The following DLG2 variants were observed in gnomAD, a reference collection of about 807,000 sequenced individuals.
The protein encoded by DLG2 is discs large MAGUK scaffold protein 2.
A neutral mutation model predicts 132.5 loss-of-function variants in DLG2; 45 were observed. That is an observed-to-expected ratio of 0.34 (90% CI 0.27 to 0.44). The LOEUF is 0.44. Among genes scored for constraint, DLG2 ranks in the 20% least tolerant of loss-of-function variants. The probability of loss-of-function intolerance (pLI) is 1.00; values close to 1 mark genes in which losing one functional copy is unlikely to be tolerated. For synonymous variants in DLG2, 424 were observed against 419.6 expected (o/e 1.01, Z -0.13); for missense variants, 1,045 against 1,196.9 (o/e 0.87, Z 1.87).
chr11:84,598,660 T>C (rs1237280401), intron 6 of DLG2, among the ~76,000 whole-genome samples: 2 of 150,454 alleles, frequency 1.3e-5, no homozygotes. Context: ...GCACAGTGAC[T>C]CATGCCTGTA....
intron 7 of DLG2, among the ~76,000 whole-genome samples, chr11:84,420,382 T>A (rs913229923): frequency 5.3e-5 from 8 of 152,102 alleles, no homozygotes; most frequent in African/African-American, 1.9e-4. Context: ...AAATACGATA[T>A]TCCTAAGGAT....
intron 12 of DLG2, among the ~76,000 whole-genome samples, chr11:83,971,523 T>C (rs1183115225): frequency 6.6e-6 from 1 of 152,014 alleles, no homozygotes; most frequent in Non-Finnish European, 1.5e-5. Context: ...CATGAGAATA[T>C]AATAAAGAGG....
chr11:84,808,924 C>T (rs1943703), intron 6 of DLG2, among the ~76,000 whole-genome samples: 65,514 of 151,602 alleles, frequency 0.43, 14,837 homozygotes, highest in African/African-American at 0.51. Flanking sequence ...TTACAGAAAA[C>T]AGAAGAGGAG....
At chr11:84,687,140 C>T (rs771361326) in intron 6 of DLG2, 1 of 152,068 alleles carries the variant, frequency 6.6e-6, no homozygotes, top group African/African-American at 2.4e-5. Flanking sequence ...CTGTTACATG[C>T]TCTATTTCAT....
intron 6 of DLG2, among the ~76,000 whole-genome samples, chr11:84,666,696 A>G (rs553359057): frequency 6.6e-6 from 1 of 152,196 alleles, no homozygotes; most frequent in Non-Finnish European, 1.5e-5. Context: ...GTATAATTAC[A>G]TAAACACATT....
Position 83,500,834 on chromosome 11 carries a change from T to A in DLG2, c.2194-16606A>T, listed in dbSNP as rs564653097. Among the ~76,000 whole-genome samples, 139 of 152,296 alleles carry A rather than the reference T, an allele frequency of 9.1e-4. 2 individuals are homozygous for A. The highest frequency in any genetic ancestry group is 3.3e-3 in the African/African-American group (138 of 41,588). On this transcript the variant is annotated intron_variant, in intron 21 of 27. Coordinates refer to ENST00000376104, the MANE Select transcript of DLG2 (RefSeq NM_001142699.3). ...AGAGATGATAAAATTTAATAATAGA[T>A]TCTGAAAGTGTCATTTTCTTTGCCA... is the stretch of plus-strand genomic sequence containing the variant.
chr11:83,906,232 GTCTCTCTCTCTCTC>G (rs144862801), intron 15 of DLG2, among the ~76,000 whole-genome samples: 12 of 71,674 alleles, frequency 1.7e-4, no homozygotes, highest in African/African-American at 4.7e-4. Context: ...TATAGTAGAT[GTCTCTCTCTCTCTC>G]TCTCTCTCTC....
chr11:85,084,055 C>T (rs1405686031), intron 6 of DLG2, among the ~76,000 whole-genome samples: 1 of 151,982 alleles, frequency 6.6e-6, no homozygotes, highest in East Asian at 1.9e-4. Context: ...AATTGGAGTA[C>T]AGGTACTTAT....
At chr11:83,824,587 A>G (rs973695891) in intron 17 of DLG2, among the ~76,000 whole-genome samples, 3 of 152,200 alleles carry the variant, frequency 2.0e-5, no homozygotes, top group Non-Finnish European at 2.9e-5. Flanking sequence ...TTTATATCCA[A>G]AGACTAAAAA....
At chr11:85,386,694 T>C (rs868307888) in intron 3 of DLG2, among the ~76,000 whole-genome samples, 1 of 151,922 alleles carries the variant, frequency 6.6e-6, no homozygotes, top group African/African-American at 2.4e-5. Flanking sequence ...CTATGGTATA[T>C]CCTTTAAAAG....
chr11:84,616,141 T>C (rs1239630411), intron 6 of DLG2, among the ~76,000 whole-genome samples: 1 of 151,758 alleles, frequency 6.6e-6, no homozygotes, highest in African/African-American at 2.4e-5. Flanking sequence ...GTTACATGGG[T>C]TGAGATAAGA....
At chr11:83,506,094 A>G (rs1157425576) in intron 21 of DLG2, among the ~76,000 whole-genome samples, 1 of 152,206 alleles carries the variant, frequency 6.6e-6, no homozygotes, top group African/African-American at 2.4e-5. Flanking sequence ...TGGGTCAGAA[A>G]GCACTTAGTT....
chr11:84,132,238 A>G (rs1279103420), intron 9 of DLG2, among the ~76,000 whole-genome samples: 1 of 151,956 alleles, frequency 6.6e-6, no homozygotes, highest in African/African-American at 2.4e-5. Context: ...CTAAGTGATT[A>G]AAAAAATGTT....
At chr11:84,180,042 A>C (rs1010749610) in intron 8 of DLG2, among the ~76,000 whole-genome samples, 1 of 152,176 alleles carries the variant, frequency 6.6e-6, no homozygotes, top group Non-Finnish European at 1.5e-5. Flanking sequence ...AATTAAAAGA[A>C]TACAGTATGA....
At position 83,558,501 on chromosome 11, in the gene DLG2, T is replaced by C. The variant is rs2096557185; in HGVS notation, c.1941-16643A>G. 2.0e-5 allele frequency among the ~76,000 whole-genome samples: 3 copies of C among 152,284 alleles called. No individual in the cohort carries two copies. In the South Asian group the frequency reaches 6.2e-4, roughly 32 times the overall value. Reference sequence around the variant, plus strand: ...ACTAACTGTTATTGAATGCCTGCTATTGGTTAACCGCTACAGTAGGCACTT... The same window carrying C: ...ACTAACTGTTATTGAATGCCTGCTACTGGTTAACCGCTACAGTAGGCACTT... On this transcript the variant is annotated intron_variant, in intron 19 of 27. Coordinates refer to ENST00000376104, the MANE Select transcript of DLG2 (RefSeq NM_001142699.3).
chr11:83,912,500 G>T (rs552759644), intron 15 of DLG2, among the ~76,000 whole-genome samples: 1 of 152,130 alleles, frequency 6.6e-6, no homozygotes, highest in Admixed American at 6.5e-5. Context: ...GGTGACTGGG[G>T]GACTGCATCA....
At chr11:85,300,847 G>A (rs1043486913) in intron 3 of DLG2, among the ~76,000 whole-genome samples, 1 of 152,030 alleles carries the variant, frequency 6.6e-6, no homozygotes, top group African/African-American at 2.4e-5. Flanking sequence ...ACAGGGAAGT[G>A]GAAGAGATGG....
chr11:84,796,215 C>A (rs997062031), intron 6 of DLG2, among the ~76,000 whole-genome samples: 1 of 152,094 alleles, frequency 6.6e-6, no homozygotes. Context: ...TCTTGAATTC[C>A]ATAAATATAT....
chr11:84,848,741 A>C (rs1328497021), intron 6 of DLG2, among the ~76,000 whole-genome samples: 1 of 152,160 alleles, frequency 6.6e-6, no homozygotes, highest in Non-Finnish European at 1.5e-5. Flanking sequence ...ATGAGACTTA[A>C]GGCTTTGGGG....
Sources: gnomAD v4.1 joint callset for allele counts (sites outside exome capture counted in the v4.1 genomes callset) on GRCh38, gnomAD v4.1.1 for gene constraint, MANE v1.5 for transcripts, NCBI Gene and HGNC (gene_info 2026-07-23, HGNC 2026-07-21) for gene names.